INCA1: variants seen among roughly 807,000 people sequenced by gnomAD.
INCA1 encodes the protein inhibitor of CDK, cyclin A1 interacting protein 1.
INCA1 carries 28 observed loss-of-function variants against 25.7 expected under a neutral mutation model. The ratio of observed to expected loss-of-function variants is 1.09; its 90% confidence interval spans 0.81 to 1.49. INCA1 has a LOEUF of 1.49. Ranked by LOEUF, INCA1 falls within the 40% of genes most tolerant of loss-of-function variation. INCA1 has a pLI of 0.00. For missense variants in INCA1, 309 were observed against 290.9 expected, an observed-to-expected ratio of 1.06 and a Z score of -0.45; for synonymous variants, 111 against 103.6, an observed-to-expected ratio of 1.07 and a Z score of -0.43.
At chr17:4,995,935 CAAAAT>C (rs138130906) in intron 1 of INCA1, 22,076 of 151,680 alleles carry the variant, frequency 0.15, 1,774 homozygotes, top group East Asian at 0.26. Flanking sequence ...CTGTCTCTAA[CAAAAT>C]AAAAAAAGAA....
intron 2 of INCA1, among the ~76,000 whole-genome samples, chr17:4,992,011 CTG>C (rs1011850477): frequency 6.6e-6 from 1 of 152,070 alleles, no homozygotes; most frequent in African/African-American, 2.4e-5. Context: ...CTGCACAGAA[CTG>C]TGAGAGATGA....
exon 7 of INCA1, chr17:4,988,246 A>G: frequency 1.4e-6 from 1 of 731,298 alleles, no homozygotes; most frequent in South Asian, 2.4e-5. Context: ...ATGGGAGCCC[A>G]CGGGGGCTGT....
Position 4,988,962 on chromosome 17 carries a change from TGAGGA to T in INCA1, c.396-23_396-19del, listed in dbSNP as rs1395250834. 6.2e-7 allele frequency: 1 copy of T among 1,605,032 alleles called. No individual in the cohort carries two copies. Among genetic ancestry groups the T allele is most frequent in the Non-Finnish European group, 8.5e-7 (1 of 1,175,728 alleles). The stretch of plus-strand genomic sequence containing the variant: ...TCTTCAGTCTGTGGAGACTTTAGGC[TGAGGA>T]GAGAAGTGCCTGGAGGCCAGGCTTC... On this transcript the variant is annotated intron_variant, in intron 5 of 6. Transcript: ENST00000576820.
intron 3 of INCA1, 103 bp from the exon 4 acceptor site, chr17:4,990,032 CA>C: frequency 1.2e-6 from 2 of 1,611,766 alleles, no homozygotes; most frequent in Non-Finnish European, 1.7e-6. Context: ...TTAGGAGCTA[CA>C]ATGTCCACCA....
chr17:4,988,498 C>T, exon 7 of INCA1: 1 of 1,614,158 alleles, frequency 6.2e-7, no homozygotes, highest in Non-Finnish European at 8.5e-7. Flanking sequence ...GAGAGTGCAG[C>T]TGCCTGGAGG....
intron 2 of INCA1, among the ~76,000 whole-genome samples, chr17:4,993,033 C>T (rs1383380652): frequency 2.0e-5 from 3 of 151,986 alleles, no homozygotes; most frequent in Non-Finnish European, 4.4e-5. Context: ...GCACCCGCCA[C>T]CACACTCGGC....
chr17:4,997,071 C>A (rs2046972133), upstream of INCA1: 1 of 152,972 alleles, frequency 6.5e-6, no homozygotes. Flanking sequence ...TTCGGGGTAG[C>A]CACGGCCTGC....
intron 5 of INCA1, among the ~76,000 whole-genome samples, 163 bp downstream of exon 5, chr17:4,989,265 A>G (rs962054449): frequency 6.6e-6 from 1 of 152,056 alleles, no homozygotes; most frequent in African/African-American, 2.4e-5. Context: ...TATTACAGAA[A>G]TCTGTTTCAA....
Position 4,990,134 on chromosome 17 carries a change from A to G in INCA1, c.158+18T>C. The stretch of plus-strand genomic sequence containing the variant: ...TTAAGACCACATCCAGTTAGTTTCC[A>G]TTTTCTCCTCTACTCACGTGGGCCT... On this transcript the variant is annotated intron_variant, in intron 3 of 6. Coordinates refer to ENST00000576820, the Ensembl canonical transcript of INCA1. The G allele has an allele frequency of 1.2e-6, 2 of 1,614,046 alleles. No individual in the cohort carries two copies. The highest frequency in any genetic ancestry group is 1.7e-6 in the Non-Finnish European group (2 of 1,179,990).
intron 2 of INCA1, among the ~76,000 whole-genome samples, chr17:4,992,705 C>T (rs1479154190): frequency 1.4e-5 from 2 of 145,418 alleles, no homozygotes. Flanking sequence ...TCTTTCCCTC[C>T]CTCCCTCCCT....
chr17:4,990,475 A>G (rs1295048559), intron 2 of INCA1, among the ~76,000 whole-genome samples: 1 of 152,140 alleles, frequency 6.6e-6, no homozygotes, highest in East Asian at 1.9e-4. Flanking sequence ...GAGATTGGCT[A>G]TAGTTTGACC....
At chr17:4,988,784 C>T (rs1173440809) in exon 6 of INCA1, 1 of 1,614,052 alleles carries the variant, frequency 6.2e-7, no homozygotes, top group East Asian at 2.2e-5. Context: ...AATACCTGGG[C>T]CCTGCCAGGA....
chr17:4,990,484 C>T (rs573874048), intron 2 of INCA1, among the ~76,000 whole-genome samples: 1 of 152,280 alleles, frequency 6.6e-6, no homozygotes, highest in South Asian at 2.1e-4. Context: ...TATAGTTTGA[C>T]CCTCAGATCT....
chr17:4,990,197 T>G, exon 3 of INCA1: 2 of 1,614,150 alleles, frequency 1.2e-6, no homozygotes, highest in Non-Finnish European at 1.7e-6. Context: ...TCCATAACGC[T>G]GGGGCATGGG....
At chr17:4,994,367 T>G in intron 2 of INCA1, 27 bp downstream of exon 2, 1 of 1,611,472 alleles carries the variant, frequency 6.2e-7, no homozygotes, top group Non-Finnish European at 8.5e-7. Flanking sequence ...CCCATCCCCA[T>G]GCTCCCCACC....
chr17:4,988,406 T>A, exon 7 of INCA1: 2 of 1,595,266 alleles, frequency 1.3e-6, no homozygotes, highest in Non-Finnish European at 1.7e-6. Context: ...GGTTTCTCCT[T>A]ACTCTTCAGA....
intron 2 of INCA1, among the ~76,000 whole-genome samples, chr17:4,990,987 C>T (rs536465925): frequency 6.6e-6 from 1 of 151,564 alleles, no homozygotes; most frequent in Non-Finnish European, 1.5e-5. Context: ...GGCACGATCT[C>T]GGCTCACTGC....
chr17:4,997,273 TCCCTCGAGAGGGG>T (rs1974358952), upstream of INCA1: 3 of 152,252 alleles, frequency 2.0e-5, no homozygotes, highest in African/African-American at 7.2e-5. Context: ...GGGGGCTGCT[TCCCTCGAGAGGGG>T]CCCTGAGGTG....
rs200382087 is a variant in INCA1 at position 4,994,478 on chromosome 17, G to A, written c.-38-3C>T. The A allele has an allele frequency of 2.0e-4, 329 of 1,607,618 alleles. 1 individual carries two copies. Among genetic ancestry groups the A allele is most frequent in the Admixed American group, 2.5e-4 (15 of 59,894 alleles). On this transcript the variant is annotated splice_region_variant and splice_polypyrimidine_tract_variant and intron_variant, in intron 1 of 6. Transcript: ENST00000576820. ...GGTAGTTAGTCTCCTTTTTGGTGCT[G>A]GGAGGATAATGGAAAAGAAGTCATT...
Sources: gnomAD v4.1 joint callset for allele counts (sites outside exome capture counted in the v4.1 genomes callset) on GRCh38, gnomAD v4.1.1 for gene constraint, MANE v1.5 for transcripts, NCBI Gene and HGNC (gene_info 2026-07-23, HGNC 2026-07-21) for gene names.